Variants in PCDHGB2 observed in about 807,000 individuals in gnomAD.
PCDHGB2 encodes the protein protocadherin gamma-B2.
A neutral mutation model predicts 59.3 loss-of-function variants in PCDHGB2; 55 were observed. That is an observed-to-expected ratio of 0.93 (90% CI 0.75 to 1.16). The LOEUF (loss-of-function observed/expected upper bound fraction) is 1.16. Ranked by LOEUF, PCDHGB2 falls within the 50% of genes most tolerant of loss-of-function variation. The pLI is 0.00. For synonymous variants in PCDHGB2, 516 were observed against 512.0 expected (o/e 1.01, Z -0.11); for missense variants, 1,228 against 1,198.5 (o/e 1.02, Z -0.36).
At chr5:141,435,919 T>C (rs2097786247) in intron 1 of PCDHGB2, among the ~76,000 whole-genome samples, 2 of 152,148 alleles carry the variant, frequency 1.3e-5, no homozygotes, top group South Asian at 4.1e-4. Flanking sequence ...GGCTCTAAAA[T>C]GCGGCAGTTG....
At chr5:141,472,022 T>A (rs949257396) in intron 1 of PCDHGB2, among the ~76,000 whole-genome samples, 6 of 152,176 alleles carry the variant, frequency 3.9e-5, no homozygotes, top group African/African-American at 1.4e-4. Context: ...CTATATTGTA[T>A]GTAGAAAGCT....
intron 3 of PCDHGB2, among the ~76,000 whole-genome samples, chr5:141,509,419 T>C (rs2154594533): frequency 6.6e-6 from 1 of 152,216 alleles, no homozygotes; most frequent in South Asian, 2.1e-4. Flanking sequence ...CGAGCCCCAA[T>C]GAGTCAAACT....
chr5:141,493,440 G>A lies in PCDHGB2; in HGVS notation c.2422-1367G>A, dbSNP rs2099748297. The stretch of plus-strand genomic sequence containing the variant: ...TTTTGCTTCTGCTGGGATGGGGCAA[G>A]GGTGGGGTTCCTTCCCTTTTAGGAC... On this transcript the variant is annotated intron_variant, in intron 1 of 3. Coordinates refer to ENST00000522605, the MANE Select transcript of PCDHGB2 (RefSeq NM_018923.3). The surrounding 1 kb of genome is among the most constrained non-coding windows in gnomAD (Gnocchi z 4.3). Among the ~76,000 whole-genome samples, 1 of 152,208 alleles carries A rather than the reference G, an allele frequency of 6.6e-6. No homozygotes were observed. Among genetic ancestry groups the A allele is most frequent in the African/African-American group, 2.4e-5 (1 of 41,450 alleles).
chr5:141,415,126 C>T, intron 1 of PCDHGB2: 1 of 1,613,688 alleles, frequency 6.2e-7, no homozygotes, highest in Non-Finnish European at 8.5e-7. Context: ...AGTGGCCGTC[C>T]AGGACCACGG....
chr5:141,388,913 A>C, intron 1 of PCDHGB2: 1 of 1,614,040 alleles, frequency 6.2e-7, no homozygotes, highest in Non-Finnish European at 8.5e-7. Flanking sequence ...ACAACGCCCC[A>C]GAAGTGATAT....
At chr5:141,372,788 TA>T in intron 1 of PCDHGB2, 1 of 1,603,576 alleles carries the variant, frequency 6.2e-7, no homozygotes, top group Admixed American at 1.7e-5. Context: ...AAATGCCTTC[TA>T]ATTCAGGCAA....
At chr5:141,410,492 T>C in intron 1 of PCDHGB2, 2 of 1,613,912 alleles carry the variant, frequency 1.2e-6, no homozygotes, top group Non-Finnish European at 1.7e-6. Flanking sequence ...TACAAAAGAG[T>C]TTAATTTCCT....
At chr5:141,397,027 G>A (rs1374788251) in intron 1 of PCDHGB2, among the ~76,000 whole-genome samples, 1 of 152,200 alleles carries the variant, frequency 6.6e-6, no homozygotes, top group Non-Finnish European at 1.5e-5. Flanking sequence ...GTTGACCAAT[G>A]TCCACAAATT....
At position 141,511,313 on chromosome 5, in the gene PCDHGB2, CAGAA is replaced by C; in HGVS notation, c.*142_*145del. The C allele has an allele frequency of 2.0e-6, 3 of 1,482,944 alleles. No homozygotes were observed. In the South Asian group the frequency reaches 4.1e-5, roughly 20 times the overall value. 91.9% of individuals were successfully genotyped at this position (1,482,944 alleles called of 1,614,324 possible). ...CCAAGGCCATGCTCCCCTTGGGAAA[CAGAA>C]ACAAGTGCCCAGTCAGCACCTACCC... On this transcript the variant is annotated 3_prime_UTR_variant, in exon 4 of 4. Transcript: ENST00000522605.
chr5:141,394,009 GTAA>G, intron 1 of PCDHGB2: 1 of 1,613,394 alleles, frequency 6.2e-7, no homozygotes, highest in Non-Finnish European at 8.5e-7. Flanking sequence ...AAGTCAATAG[GTAA>G]TTATTATAGA....
rs576761049 is a variant in PCDHGB2, at chr5:141,372,029, C to T, written c.2421+9473C>T. On this transcript the variant is annotated intron_variant, in intron 1 of 3. Transcript: ENST00000522605. ...AGGGCTCGCCTACGCTCAGCGCCAACGTGAGCCTGCGCGTGTTGGTGGACG... is the reference window on the plus strand; with the variant it reads ...AGGGCTCGCCTACGCTCAGCGCCAATGTGAGCCTGCGCGTGTTGGTGGACG... The T allele has an allele frequency of 2.7e-5, 43 of 1,613,442 alleles. No individual in the cohort carries two copies. The African/African-American group carries it at 4.3e-4, about 16-fold the overall frequency.
At chr5:141,467,208 A>G (rs1272958649) in intron 1 of PCDHGB2, among the ~76,000 whole-genome samples, 1 of 152,064 alleles carries the variant, frequency 6.6e-6, no homozygotes, top group East Asian at 1.9e-4. Flanking sequence ...ACATGCCACC[A>G]TGCCTGGCTA....
At chr5:141,364,210 C>T in intron 1 of PCDHGB2, 1 of 1,234,376 alleles carries the variant, frequency 8.1e-7, no homozygotes, top group East Asian at 2.6e-5. Flanking sequence ...AGACAAGCTC[C>T]TACGAAAAGC....
intron 1 of PCDHGB2, chr5:141,422,759 A>G (rs2096670710): frequency 6.2e-7 from 1 of 1,613,252 alleles, no homozygotes; most frequent in Non-Finnish European, 8.5e-7. Flanking sequence ...ATTAACTCCA[A>G]CACTGGTGTT....
At chr5:141,406,072 C>CTT (rs530474569) in intron 1 of PCDHGB2, among the ~76,000 whole-genome samples, 28 of 141,510 alleles carry the variant, frequency 2.0e-4, no homozygotes, top group East Asian at 4.1e-4. Context: ...ATTCTTACTC[C>CTT]TTTTTTTTTT....
At chr5:141,395,494 T>G in intron 1 of PCDHGB2, 3 of 484,122 alleles carry the variant, frequency 6.2e-6, no homozygotes, top group Middle Eastern at 5.6e-4. Context: ...TTATCACTCA[T>G]TCACTTAAGA....
intron 1 of PCDHGB2, among the ~76,000 whole-genome samples, chr5:141,434,860 A>G (rs2097723622): frequency 6.6e-6 from 1 of 151,982 alleles, no homozygotes; most frequent in African/African-American, 2.4e-5. Flanking sequence ...ATAAATTTAT[A>G]TATATGTGAC....
chr5:141,463,438 CTTTTTTT>C (rs71576115), intron 1 of PCDHGB2, among the ~76,000 whole-genome samples: 1 of 103,252 alleles, frequency 9.7e-6, no homozygotes, highest in Non-Finnish European at 1.9e-5. Flanking sequence ...TTTCCTTCTC[CTTTTTTT>C]TTTTTTTTTT....
At chr5:141,494,522 G>C (rs2099754911) in intron 1 of PCDHGB2, among the ~76,000 whole-genome samples, 1 of 152,196 alleles carries the variant, frequency 6.6e-6, no homozygotes, top group Non-Finnish European at 1.5e-5. Flanking sequence ...CAGGAGTTCT[G>C]ACTCTGGGGG....
Sources: allele counts gnomAD v4.1 joint callset (sites outside exome capture counted in the v4.1 genomes callset), GRCh38; gene constraint gnomAD v4.1.1; non-coding constraint Gnocchi (gnomAD v3.1); transcripts MANE v1.5; gene names NCBI Gene and HGNC (gene_info 2026-07-23, HGNC 2026-07-21).